KIAA1614: variants seen among roughly 807,000 people sequenced by gnomAD.
KIAA1614 encodes the protein uncharacterized protein KIAA1614.
In KIAA1614, 76 loss-of-function variants were observed where a neutral mutation model predicts 88.7. That is an observed-to-expected ratio of 0.86 (90% CI 0.71 to 1.04). The LOEUF (loss-of-function observed/expected upper bound fraction) is 1.04. Among genes scored for constraint, KIAA1614 ranks in the 50% least tolerant of loss-of-function variants. KIAA1614 has a pLI of 0.00. For missense variants in KIAA1614, 1,553 were observed against 1,582.5 expected, an observed-to-expected ratio of 0.98 and a Z score of 0.32; for synonymous variants, 714 against 675.5, an observed-to-expected ratio of 1.06 and a Z score of -0.88.
chr1:180,950,386 C>T lies in KIAA1614; in HGVS notation c.*4798C>T. The T allele has an allele frequency of 8.1e-7, 1 of 1,238,240 alleles. No individual in the cohort carries two copies. The highest frequency in any genetic ancestry group is 1.0e-6 in the Non-Finnish European group (1 of 962,688). 76.7% of individuals were successfully genotyped at this position (1,238,240 alleles called of 1,614,324 possible). A position where few individuals can be genotyped will look rare whatever the true frequency, so the allele number is the denominator to read the frequency against. On this transcript the variant is annotated 3_prime_UTR_variant, in exon 9 of 9. Coordinates refer to ENST00000367588, the MANE Select transcript of KIAA1614 (RefSeq NM_020950.2). Reference sequence around the variant, plus strand: ...CTGACATGAGCATGGCCAAGCTGTACTCAGGGCTGCTGGGGGTGGGCGATG... The same window carrying T: ...CTGACATGAGCATGGCCAAGCTGTATTCAGGGCTGCTGGGGGTGGGCGATG...
chr1:180,918,842 G>A (rs1653883012), intron 3 of KIAA1614, among the ~76,000 whole-genome samples: 1 of 152,210 alleles, frequency 6.6e-6, no homozygotes, highest in Non-Finnish European at 1.5e-5. Context: ...AAAGCCTATA[G>A]AGGCTGGGTG....
intron 5 of KIAA1614, 139 bp downstream of exon 5, chr1:180,936,809 A>C: frequency 3.4e-6 from 2 of 589,472 alleles, no homozygotes; most frequent in Non-Finnish European, 5.6e-6. Context: ...GTCACATACC[A>C]CCTCGGCAGC....
chr1:180,924,225 G>A (rs1204345881), intron 3 of KIAA1614, among the ~76,000 whole-genome samples: 1 of 152,228 alleles, frequency 6.6e-6, no homozygotes, highest in Non-Finnish European at 1.5e-5. Flanking sequence ...TTCATCTGGT[G>A]GGAGCCAGTC....
rs890687512 is a variant in KIAA1614 at position 180,945,879 on chromosome 1, T to G, written c.*291T>G. On this transcript the variant is annotated 3_prime_UTR_variant, in exon 9 of 9. Coordinates refer to ENST00000367588, the MANE Select transcript of KIAA1614 (RefSeq NM_020950.2). ...CAGAACTTTGGGAGGCCGAGGCGCC[T>G]GGATCACCTGAGGTCAGGAGTTCGA... is the stretch of plus-strand genomic sequence containing the variant. 2 of 1,020,036 alleles carry G rather than the reference T, an allele frequency of 2.0e-6. No individual in the cohort carries two copies. The highest frequency in any genetic ancestry group is 1.2e-6 in the Non-Finnish European group (1 of 819,856). 63.2% of individuals were successfully genotyped at this position (1,020,036 alleles called of 1,614,324 possible). A position where few individuals can be genotyped will look rare whatever the true frequency, so the allele number is the denominator to read the frequency against.
At chr1:180,940,917 T>A in intron 6 of KIAA1614, 128 bp from the exon 7 acceptor site, 1 of 803,340 alleles carries the variant, frequency 1.2e-6, no homozygotes, top group Non-Finnish European at 2.0e-6. Context: ...TGTTAGTTCC[T>A]GGCCCCAAAT....
intron 6 of KIAA1614, 114 bp from the exon 7 acceptor site, chr1:180,940,931 C>A: frequency 2.2e-6 from 2 of 907,206 alleles, no homozygotes; most frequent in Non-Finnish European, 3.3e-6. Context: ...CCCAAATGTG[C>A]CAGAGGCATT....
chr1:180,922,094 C>CCATAGA (rs1481937820), intron 3 of KIAA1614, among the ~76,000 whole-genome samples: 2 of 152,250 alleles, frequency 1.3e-5, no homozygotes, highest in Admixed American at 6.5e-5. Flanking sequence ...TCGGCCTCCT[C>CCATAGA]GGCCGTCTCC....
intron 7 of KIAA1614, among the ~76,000 whole-genome samples, chr1:180,941,914 C>CA (rs1432953441): frequency 6.6e-6 from 1 of 152,244 alleles, no homozygotes; most frequent in Non-Finnish European, 1.5e-5. Context: ...CTGTCGATCA[C>CA]ACACAGTCTG....
In KIAA1614 at chr1:180,935,714, C is replaced by T. The variant is rs765605749; in HGVS notation, c.1805C>T (p.Thr602Ile). 1 of 1,613,784 alleles carries T rather than the reference C, an allele frequency of 6.2e-7. No individual in the cohort carries two copies. The highest frequency in any genetic ancestry group is 1.7e-5 in the Admixed American group (1 of 60,032). The change falls in exon 5 of 9, where the codon ACC becomes ATC. Residue 602 changes from threonine to isoleucine, a missense_variant. Thr to Ile is a moderately conservative substitution (Grantham distance 89, BLOSUM62 -1). Coordinates refer to ENST00000367588, the MANE Select transcript of KIAA1614 (RefSeq NM_020950.2). The surrounding 1 kb of genome is among the most constrained non-coding windows in gnomAD (Gnocchi z 6.1). ...ATCCGGGAAACACACATCGGAGACACCGTGTGCCCTGCGGAGGTGGACTCT... is the reference window on the plus strand; with the variant it reads ...ATCCGGGAAACACACATCGGAGACATCGTGTGCCCTGCGGAGGTGGACTCT... ...EWIRETHIGD[T>I]VCPAEVDSAL...
At chr1:180,931,353 T>C (rs1654194023) in intron 4 of KIAA1614, among the ~76,000 whole-genome samples, 1 of 152,164 alleles carries the variant, frequency 6.6e-6, no homozygotes, top group Non-Finnish European at 1.5e-5. Flanking sequence ...GATTGTGTGG[T>C]TAGGGGAGCA....
rs1653680799 is a variant in KIAA1614, at chr1:180,913,005, T to C, written c.-239T>C. ...TTCCCGTCCTCTCGCCGGGAGGGAG[T>C]GCGGCCCGTGGGGCGCTGCGCCGGC... On this transcript the variant is annotated 5_prime_UTR_variant, in exon 1 of 9. Coordinates refer to ENST00000367588, the MANE Select transcript of KIAA1614 (RefSeq NM_020950.2). 4.0e-6 allele frequency: 1 copy of C among 252,668 alleles called. No homozygotes were observed. Among genetic ancestry groups the C allele is most frequent in the Non-Finnish European group, 7.2e-6 (1 of 139,714 alleles). 15.7% of individuals were successfully genotyped at this position (252,668 alleles called of 1,614,324 possible).
chr1:180,945,581 T>C lies in KIAA1614; in HGVS notation c.3566T>C (p.Phe1189Ser). Residue 1189 changes from phenylalanine (F) to serine (S), a missense_variant, in exon 9 of 9, where the codon TTT becomes TCT. Physicochemically the swap from Phe to Ser is radical, Grantham distance 155. Transcript: ENST00000367588. ...FWLWSEAFLV[F>S]G ...CTGTGGTCAGAGGCTTTTCTGGTCT[T>C]TGGCTGAGCCGTGCAGCTCTGGGAA... The C allele has an allele frequency of 1.2e-6, 2 of 1,610,788 alleles. No homozygotes were observed. The highest frequency in any genetic ancestry group is 4.5e-5 in the East Asian group (2 of 44,840).
chr1:180,921,455 C>CG (rs961668689), intron 3 of KIAA1614, among the ~76,000 whole-genome samples: 6 of 152,166 alleles, frequency 3.9e-5, no homozygotes, highest in African/African-American at 7.2e-5. Context: ...ACCTCTGTGG[C>CG]GGGGGGAGTT....
intron 7 of KIAA1614, chr1:180,944,159 T>C (rs1654530740): frequency 2.9e-6 from 1 of 347,956 alleles, no homozygotes; most frequent in African/African-American, 2.1e-5. Flanking sequence ...AAAGTTGTTA[T>C]TTCAGCTAAA....
At chr1:180,944,240 G>T in intron 7 of KIAA1614, 149 bp from the exon 8 acceptor site, 1 of 728,094 alleles carries the variant, frequency 1.4e-6, no homozygotes, top group Non-Finnish European at 2.2e-6. Flanking sequence ...AGTAAGTCAT[G>T]GTGGTTCCTG....
At chr1:180,943,010 G>T (rs1256885095) in intron 7 of KIAA1614, among the ~76,000 whole-genome samples, 2 of 139,482 alleles carry the variant, frequency 1.4e-5, no homozygotes, top group African/African-American at 2.7e-5. Context: ...GTGTTTGCTG[G>T]GAGGCTTAGT....
intron 3 of KIAA1614, among the ~76,000 whole-genome samples, chr1:180,927,393 G>A (rs1654091688): frequency 6.6e-6 from 1 of 152,234 alleles, no homozygotes; most frequent in South Asian, 2.1e-4. Context: ...GAGGACAGAG[G>A]GTGCGGAACG....
chr1:180,915,511 A>G (rs1178097022), intron 1 of KIAA1614, among the ~76,000 whole-genome samples: 1 of 152,198 alleles, frequency 6.6e-6, no homozygotes, highest in Non-Finnish European at 1.5e-5. Flanking sequence ...CTGAAGCTTC[A>G]TTTTGCCCGT....
In KIAA1614 at chr1:180,948,619, G is replaced by A. The variant is rs1180814000; in HGVS notation, c.*3031G>A. 6 of 152,154 alleles carry A rather than the reference G, an allele frequency of 3.9e-5. No homozygotes were observed. The highest frequency in any genetic ancestry group is 3.9e-4 in the Admixed American group (6 of 15,266). 9.4% of individuals were successfully genotyped at this position (152,154 alleles called of 1,614,324 possible). On this transcript the variant is annotated 3_prime_UTR_variant, in exon 9 of 9. Coordinates refer to ENST00000367588, the MANE Select transcript of KIAA1614 (RefSeq NM_020950.2). ...CCACAGCACATCAGACACTTCTCTG[G>A]GTTTGCCCCAGGGGCCCCTTCTTAC...
Sources: gnomAD v4.1 joint callset for allele counts (sites outside exome capture counted in the v4.1 genomes callset) on GRCh38, gnomAD v4.1.1 for gene constraint, Gnocchi (gnomAD v3.1) non-coding constraint, MANE v1.5 for transcripts, NCBI Gene and HGNC (gene_info 2026-07-23, HGNC 2026-07-21) for gene names.